STARD13: variants seen among roughly 807,000 people sequenced by gnomAD.
STARD13 encodes StAR related lipid transfer domain containing 13.
In STARD13, 62 loss-of-function variants were observed where a neutral mutation model predicts 106.4. The observed-to-expected ratio is 0.58, with a 90% CI of 0.48 to 0.72. STARD13 has a LOEUF of 0.72. Ranked by LOEUF, STARD13 falls within the 30% of genes least tolerant of loss-of-function variation. The probability of loss-of-function intolerance (pLI) is 0.00; values close to 1 mark genes in which losing one functional copy is unlikely to be tolerated. For synonymous variants in STARD13, 565 were observed against 553.0 expected, an observed-to-expected ratio of 1.02 and a Z score of -0.31; for missense variants, 1,387 against 1,424.0, an observed-to-expected ratio of 0.97 and a Z score of 0.42.
chr13:33,250,936 G>A (rs1311192719), intron 1 of STARD13, among the ~76,000 whole-genome samples: 1 of 152,188 alleles, frequency 6.6e-6, no homozygotes, highest in African/African-American at 2.4e-5. Context: ...ATGGCATGGT[G>A]TAGAAGCTCA....
the STARD13 span, among the ~76,000 whole-genome samples, chr13:33,669,576 C>T: frequency 6.9e-6 from 1 of 145,504 alleles, no homozygotes; most frequent in Non-Finnish European, 1.5e-5. Context: ...CACTCTGTCA[C>T]CCAGACTGGA....
chr13:33,365,130 C>T, the STARD13 span, among the ~76,000 whole-genome samples: 5 of 151,984 alleles, frequency 3.3e-5, no homozygotes, highest in Non-Finnish European at 7.4e-5. Flanking sequence ...GGGACTGAGG[C>T]TCACCTGAGC....
At chr13:33,180,422 C>T (rs1263755313) in intron 1 of STARD13, 1 of 152,216 alleles carries the variant, frequency 6.6e-6, no homozygotes, top group Non-Finnish European at 1.5e-5. Flanking sequence ...TAACCAAACA[C>T]TCCAGGACCT....
chr13:33,582,930 G>A, the STARD13 span, among the ~76,000 whole-genome samples: 1 of 152,056 alleles, frequency 6.6e-6, no homozygotes, highest in Non-Finnish European at 1.5e-5. Context: ...GCCCAATTTC[G>A]GCTTCCACCA....
the STARD13 span, among the ~76,000 whole-genome samples, chr13:33,378,841 G>T: frequency 1.3e-5 from 2 of 151,644 alleles, no homozygotes; most frequent in African/African-American, 4.8e-5. Context: ...TGGGCGTGGT[G>T]GCTCACACTT....
intron 4 of STARD13, among the ~76,000 whole-genome samples, chr13:33,131,276 A>G (rs1222863698): frequency 6.6e-6 from 1 of 152,178 alleles, no homozygotes; most frequent in Non-Finnish European, 1.5e-5. Flanking sequence ...CTGATTTTCA[A>G]ATCTGTTCCC....
At chr13:33,282,981 G>A (rs1186852902) in intron 1 of STARD13, among the ~76,000 whole-genome samples, 2 of 152,130 alleles carry the variant, frequency 1.3e-5, no homozygotes, top group Non-Finnish European at 2.9e-5. Context: ...AGTGAACTAT[G>A]ATCACACCAC....
the STARD13 span, among the ~76,000 whole-genome samples, chr13:33,458,762 C>A: frequency 6.6e-6 from 1 of 151,772 alleles, no homozygotes; most frequent in Non-Finnish European, 1.5e-5. Flanking sequence ...ATTTCAGACC[C>A]CATTCTTCCT....
At chr13:33,119,485 T>C (rs1377551693) in intron 7 of STARD13, among the ~76,000 whole-genome samples, 1 of 152,120 alleles carries the variant, frequency 6.6e-6, no homozygotes, top group Non-Finnish European at 1.5e-5. Context: ...TCCACCCAAG[T>C]TCGGGTATGT....
intron 4 of STARD13, among the ~76,000 whole-genome samples, chr13:33,133,249 A>G (rs1878575757): frequency 6.6e-6 from 1 of 152,130 alleles, no homozygotes; most frequent in African/African-American, 2.4e-5. Context: ...GTGGCCTGGG[A>G]AGGGAAAGCC....
chr13:33,270,342 A>G (rs369043157), intron 1 of STARD13, among the ~76,000 whole-genome samples: 29 of 152,318 alleles, frequency 1.9e-4, no homozygotes, highest in African/African-American at 7.0e-4. Context: ...AAATATAGTT[A>G]TATTTTGGTG....
At chr13:33,609,085 C>CAAAAAAA in the STARD13 span, among the ~76,000 whole-genome samples, 2 of 50,568 alleles carry the variant, frequency 4.0e-5, no homozygotes, top group African/African-American at 9.6e-5. Context: ...GACTCCGTCT[C>CAAAAAAA]AAAAAAAAAA....
chr13:33,111,728 T>C, intron 10 of STARD13, 50 bp downstream of exon 10: 2 of 1,107,030 alleles, frequency 1.8e-6, no homozygotes, highest in South Asian at 1.2e-5. Context: ...AAGCGTCTTA[T>C]CTAGTTCCAA....
At chr13:33,278,544 T>A (rs1299007537) in intron 1 of STARD13, 1 of 152,180 alleles carries the variant, frequency 6.6e-6, no homozygotes, top group African/African-American at 2.4e-5. Context: ...CAGGCATGGT[T>A]GAAGGCACCA....
At chr13:33,162,626 AG>A (rs1484336474) in intron 3 of STARD13, among the ~76,000 whole-genome samples, 21 of 152,190 alleles carry the variant, frequency 1.4e-4, no homozygotes, top group Admixed American at 8.5e-4. Flanking sequence ...TTTCAAGGGC[AG>A]GGGCAAAATG....
intron 1 of STARD13, among the ~76,000 whole-genome samples, chr13:33,328,808 AC>A (rs2138552414): frequency 6.6e-6 from 1 of 152,330 alleles, no homozygotes; most frequent in African/African-American, 2.4e-5. Flanking sequence ...GGGTTCTCTA[AC>A]AGTTCACTGC....
At chr13:33,318,417 T>C (rs1200305366) in intron 1 of STARD13, among the ~76,000 whole-genome samples, 2 of 152,166 alleles carry the variant, frequency 1.3e-5, no homozygotes, top group African/African-American at 2.4e-5. Flanking sequence ...CCTTATAGCA[T>C]ATACACAAAT....
the STARD13 span, among the ~76,000 whole-genome samples, chr13:33,415,247 A>G: frequency 6.6e-6 from 1 of 152,196 alleles, no homozygotes; most frequent in Admixed American, 6.5e-5. Flanking sequence ...GGGCGCCTGT[A>G]GTCCCGGCTA....
the STARD13 span, among the ~76,000 whole-genome samples, chr13:33,463,616 C>G: frequency 2.0e-5 from 3 of 152,176 alleles, no homozygotes; most frequent in Non-Finnish European, 4.4e-5. Context: ...CAGAGACCAG[C>G]TATATAGAAC....
Sources: allele counts gnomAD v4.1 joint callset (sites outside exome capture counted in the v4.1 genomes callset), GRCh38; gene constraint gnomAD v4.1.1; transcripts MANE v1.5; gene names NCBI Gene and HGNC (gene_info 2026-07-23, HGNC 2026-07-21).